The following SNX29 variants were observed in gnomAD, a reference collection of about 807,000 sequenced individuals.
The protein encoded by SNX29 is sorting nexin 29.
In SNX29, 78 loss-of-function variants were observed where a neutral mutation model predicts 102.1. The observed-to-expected ratio is 0.76, with a 90% CI of 0.64 to 0.92. SNX29 has a LOEUF of 0.92. SNX29 is among the 40% of genes least tolerant of loss of function. SNX29 has a pLI of 0.00. For synonymous variants in SNX29, 580 were observed against 414.5 expected, an observed-to-expected ratio of 1.40 and a Z score of -4.85; for missense variants, 1,280 against 1,061.7, an observed-to-expected ratio of 1.21 and a Z score of -2.86.
At chr16:12,284,320 G>A (rs2079526335) in intron 15 of SNX29, among the ~76,000 whole-genome samples, 1 of 152,256 alleles carries the variant, frequency 6.6e-6, no homozygotes, top group African/African-American at 2.4e-5. Context: ...TTAGTGAAAT[G>A]CAGCCAGTCA....
At chr16:12,136,669 G>A (rs1466651739) in intron 13 of SNX29, among the ~76,000 whole-genome samples, 1 of 152,208 alleles carries the variant, frequency 6.6e-6, no homozygotes, top group African/African-American at 2.4e-5. Flanking sequence ...ACTGAGACTC[G>A]CACAGGATCC....
intron 15 of SNX29, among the ~76,000 whole-genome samples, chr16:12,355,226 A>G (rs377205586): frequency 6.6e-6 from 1 of 152,186 alleles, no homozygotes; most frequent in East Asian, 1.9e-4. Context: ...TACCCTTCAT[A>G]CAACAACAAA....
intron 18 of SNX29, among the ~76,000 whole-genome samples, chr16:12,456,660 G>C (rs1351654374): frequency 6.6e-6 from 1 of 152,152 alleles, no homozygotes; most frequent in Non-Finnish European, 1.5e-5. Context: ...GAAGGGATAC[G>C]TGTGTGAGTA....
intron 20 of SNX29, among the ~76,000 whole-genome samples, chr16:12,533,421 C>T (rs1055889129): frequency 6.6e-6 from 1 of 152,152 alleles, no homozygotes; most frequent in African/African-American, 2.4e-5. Context: ...ATGCATATTT[C>T]CACCCCACAG....
chr16:12,024,168 C>T (rs2057120591), intron 3 of SNX29, among the ~76,000 whole-genome samples: 1 of 148,888 alleles, frequency 6.7e-6, no homozygotes, highest in Non-Finnish European at 1.5e-5. Flanking sequence ...GACTGAGTTT[C>T]GCTCTTGTTG....
chr16:12,541,852 C>CA (rs1663056544), intron 20 of SNX29, among the ~76,000 whole-genome samples: 1 of 152,144 alleles, frequency 6.6e-6, no homozygotes, highest in Admixed American at 6.5e-5. Context: ...CTTTGTAGCA[C>CA]ATGCCTGGAA....
intron 20 of SNX29, among the ~76,000 whole-genome samples, chr16:12,538,809 G>T (rs1218841917): frequency 6.6e-6 from 1 of 152,190 alleles, no homozygotes; most frequent in Non-Finnish European, 1.5e-5. Context: ...GCAGAAACCA[G>T]AGTCAGTGGG....
At position 12,570,211 on chromosome 16, in the gene SNX29, G is replaced by T; in HGVS notation, c.*1582G>T. On this transcript the variant is annotated 3_prime_UTR_variant, in exon 21 of 21. Coordinates refer to ENST00000566228, the MANE Select transcript of SNX29 (RefSeq NM_032167.5). ...GCCTACATGACTTCCAAGGGGACCT[G>T]GGGCCAGATAAGCCCTGCCCCGGTG... is the stretch of plus-strand genomic sequence containing the variant. The T allele has an allele frequency of 9.4e-7, 1 of 1,064,922 alleles. No individual in the cohort carries two copies. The highest frequency in any genetic ancestry group is 1.1e-6 in the Non-Finnish European group (1 of 879,016). The allele number at this position is 1,064,922 out of a possible 1,614,324, so 66.0% of individuals were successfully genotyped here.
At chr16:12,472,242 T>C (rs1158171194) in intron 18 of SNX29, among the ~76,000 whole-genome samples, 4 of 151,842 alleles carry the variant, frequency 2.6e-5, no homozygotes, top group Non-Finnish European at 5.9e-5. Flanking sequence ...AGGGGAAGGC[T>C]GGGGGTGGTG....
chr16:12,170,735 T>C (rs1567274671), intron 13 of SNX29, among the ~76,000 whole-genome samples: 1 of 150,020 alleles, frequency 6.7e-6, no homozygotes, highest in African/African-American at 2.5e-5. Context: ...GAGGAGGCTG[T>C]GTGAGTGAGT....
At chr16:12,554,902 G>A (rs77393552) in intron 20 of SNX29, among the ~76,000 whole-genome samples, 1,985 of 152,278 alleles carry the variant, frequency 0.013, 42 homozygotes, top group African/African-American at 0.045. Flanking sequence ...AGGACAGGCA[G>A]TGCAGGGGAG....
intron 11 of SNX29, chr16:12,087,573 G>T: frequency 3.0e-6 from 1 of 333,666 alleles, no homozygotes. Flanking sequence ...CCCCAGCCTG[G>T]GCAACAGAGC....
intron 15 of SNX29, among the ~76,000 whole-genome samples, chr16:12,289,289 T>C (rs934066569): frequency 1.3e-5 from 2 of 152,220 alleles, no homozygotes; most frequent in African/African-American, 4.8e-5. Context: ...CACTGTCTTC[T>C]TCTCAAGGGC....
intron 13 of SNX29, among the ~76,000 whole-genome samples, chr16:12,173,924 T>C (rs920810368): frequency 6.6e-6 from 1 of 152,198 alleles, no homozygotes; most frequent in Non-Finnish European, 1.5e-5. Flanking sequence ...GGATTACAAG[T>C]ATGCCCCACC....
chr16:12,561,582 C>G (rs537001486), intron 20 of SNX29, among the ~76,000 whole-genome samples: 1 of 152,166 alleles, frequency 6.6e-6, no homozygotes, highest in Admixed American at 6.5e-5. Flanking sequence ...CGATTAATGT[C>G]AGCCGCATGC....
At chr16:12,566,817 A>G (rs1023724381) in intron 20 of SNX29, among the ~76,000 whole-genome samples, 7 of 152,258 alleles carry the variant, frequency 4.6e-5, no homozygotes, top group Non-Finnish European at 1.0e-4. Flanking sequence ...GATTCAGAGC[A>G]GCTCCGGCTT....
At chr16:12,219,120 C>G (rs41325045) in intron 14 of SNX29, among the ~76,000 whole-genome samples, 9,591 of 152,166 alleles carry the variant, frequency 0.063, 874 homozygotes, top group African/African-American at 0.2. Flanking sequence ...AGTAAGCTGT[C>G]TCCTTATATC....
chr16:11,992,569 C>T (rs1415965443), intron 1 of SNX29, among the ~76,000 whole-genome samples: 5 of 151,934 alleles, frequency 3.3e-5, no homozygotes, highest in African/African-American at 4.8e-5. Context: ...AAGCACGGCT[C>T]AGGTTCCCAA....
In SNX29 at chr16:12,147,071, C is replaced by G. The variant is rs920604371; in HGVS notation, c.1595+17313C>G. Among the ~76,000 whole-genome samples the G allele has an allele frequency of 3.9e-5, 6 of 152,168 alleles. No individual in the cohort carries two copies. The East Asian group carries it at 7.7e-4, about 20-fold the overall frequency. ...CAATCAAAGACTCAGGTTTTGTTGA[C>G]GAACTCAACTTTTTAGGGAGCAAGC... On this transcript the variant is annotated intron_variant, in intron 13 of 20. Coordinates refer to ENST00000566228, the MANE Select transcript of SNX29 (RefSeq NM_032167.5).
Sources: allele counts gnomAD v4.1 joint callset (sites outside exome capture counted in the v4.1 genomes callset), GRCh38; gene constraint gnomAD v4.1.1; transcripts MANE v1.5; gene names NCBI Gene and HGNC (gene_info 2026-07-23, HGNC 2026-07-21).